Variants in ORC1 observed in about 807,000 individuals in gnomAD.
ORC1 encodes origin recognition complex subunit 1, also known as origin recognition complex, subunit 1 homolog.
A neutral mutation model predicts 98.9 loss-of-function variants in ORC1; 61 were observed. The ratio of observed to expected loss-of-function variants is 0.62; its 90% CI spans 0.50 to 0.76. The LOEUF is 0.76. Ranked by LOEUF, ORC1 falls within the 30% of genes least tolerant of loss-of-function variation. ORC1 has a pLI of 0.00. For missense variants in ORC1, 979 were observed against 1,072.2 expected (o/e 0.91, Z 1.21); for synonymous variants, 385 against 406.9 (o/e 0.95, Z 0.65).
At chr1:52,406,457 A>G (rs1469364685), upstream of ORC1, among the ~76,000 whole-genome samples, 1 of 152,240 alleles carries the variant, frequency 6.6e-6, no homozygotes, top group Non-Finnish European at 1.5e-5. Context: ...GTGAAAATCA[A>G]ACAACAAAAG....
At chr1:52,388,417 G>A in intron 8 of ORC1, 25 bp downstream of exon 8, 1 of 1,584,868 alleles carries the variant, frequency 6.3e-7, no homozygotes, top group Non-Finnish European at 8.7e-7. Flanking sequence ...TGCTTCAATG[G>A]GAAGTAAACC....
At chr1:52,398,974 A>G (rs1647562811) in intron 3 of ORC1, among the ~76,000 whole-genome samples, 2 of 152,150 alleles carry the variant, frequency 1.3e-5, no homozygotes, top group Non-Finnish European at 2.9e-5. Context: ...GGGACCTTAA[A>G]GAGTTTGTCA....
At chr1:52,377,703 CA>C (rs58266239) in intron 14 of ORC1, among the ~76,000 whole-genome samples, 10,450 of 58,946 alleles carry the variant, frequency 0.18, 415 homozygotes, top group African/African-American at 0.36. Flanking sequence ...CCCCTAGAAG[CA>C]AAAAAAAAAA....
At chr1:52,408,829 C>G, upstream of ORC1, 1 of 1,110,622 alleles carries the variant, frequency 9.0e-7, no homozygotes, top group Non-Finnish European at 1.3e-6. Flanking sequence ...CAGGTTTTCC[C>G]TTGTCCCTCA....
intron 16 of ORC1, 86 bp downstream of exon 16, chr1:52,374,724 G>T: frequency 1.1e-6 from 1 of 873,878 alleles, no homozygotes; most frequent in Non-Finnish European, 1.9e-6. Context: ...GCACAAAATA[G>T]AGTGTCACAC....
rs201265198 is a variant in ORC1, at chr1:52,393,582, G to A, written c.943C>T (p.Arg315Cys). 5.8e-5 allele frequency: 94 copies of A among 1,614,052 alleles called. No homozygotes were observed. The highest frequency in any genetic ancestry group is 3.3e-4 in the Middle Eastern group (2 of 6,084). Reference protein sequence around the residue: ...EDDKKASPEHRIILRTRIAAS... With the variant: ...EDDKKASPEHCIILRTRIAAS... ...GCAATTCGGGTTCTCAGGATTATGC[G>A]ATGTTCAGGTGAAGCCTTCTTGTCA... The change falls in exon 6 of 17, where the codon CGC becomes TGC. Residue 315 changes from arginine to cysteine, a missense_variant. Arg to Cys is a radical substitution (Grantham distance 180). Coordinates refer to ENST00000371568, the MANE Select transcript of ORC1 (RefSeq NM_004153.4).
chr1:52,383,916 T>A lies in ORC1; in HGVS notation c.1777A>T (p.Thr593Ser), dbSNP rs1488648962. 6.2e-7 allele frequency: 1 copy of A among 1,614,104 alleles called. No homozygotes were observed. Among genetic ancestry groups the A allele is most frequent in the Non-Finnish European group, 8.5e-7 (1 of 1,180,038 alleles). ...ILQKLTGQKA[T>S]ANHAAELLAK... ...AGCAGTTCTGCCGCATGGTTGGCTG[T>A]TGCTTTTTGGCCTGTTAGCTTCTGC... is the stretch of plus-strand genomic sequence containing the variant. Residue 593 changes from threonine to serine, a missense_variant, in exon 12 of 17, where the codon ACA (threonine) becomes TCA (serine). Thr to Ser is a moderately conservative substitution (Grantham distance 58). Coordinates refer to ENST00000371568, the MANE Select transcript of ORC1 (RefSeq NM_004153.4).
At chr1:52,373,693 T>C (rs1422129382) in intron 16 of ORC1, among the ~76,000 whole-genome samples, 1 of 152,212 alleles carries the variant, frequency 6.6e-6, no homozygotes, top group Non-Finnish European at 1.5e-5. Flanking sequence ...AGTTAATGGA[T>C]ATAAAATGAC....
chr1:52,391,286 G>C (rs1647207022), intron 6 of ORC1, among the ~76,000 whole-genome samples: 1 of 148,200 alleles, frequency 6.7e-6, no homozygotes, highest in Non-Finnish European at 1.5e-5. Flanking sequence ...TCCAGCCTGG[G>C]CGTCAGACAG....
intron 1 of ORC1, among the ~76,000 whole-genome samples, chr1:52,402,462 TTTC>T (rs1647758907): frequency 6.6e-6 from 1 of 152,232 alleles, no homozygotes; most frequent in South Asian, 2.1e-4. Context: ...GCCGTATCTC[TTTC>T]CATCCAGGAA....
chr1:52,384,948 G>A (rs1184550166), intron 10 of ORC1, among the ~76,000 whole-genome samples: 5 of 152,144 alleles, frequency 3.3e-5, no homozygotes, highest in African/African-American at 7.2e-5. Flanking sequence ...CCTACTCAAT[G>A]AAGGCCAGTT....
In ORC1 at chr1:52,385,166, G is replaced by A. The variant is rs746287109; in HGVS notation, c.1578C>T (p.Thr526=). The A allele has an allele frequency of 6.2e-6, 10 of 1,606,344 alleles. No individual in the cohort carries two copies. The highest frequency in any genetic ancestry group is 1.3e-5 in the African/African-American group (1 of 74,714). ...NFVESKLLDH[T]GGCMYISGVP... is the part of the protein sequence containing the mutation. ...GCCTGCCTCACATGACTCACCCTCC[G>A]GTATGGTCAAGGAGTTTGCTTTCCA... is the stretch of plus-strand genomic sequence containing the variant. The change falls in exon 10 of 17, where the codon ACC becomes ACT. Residue 526 remains threonine, a synonymous_variant. Transcript: ENST00000371568.
In ORC1 at chr1:52,373,322, G is replaced by A; in HGVS notation, c.2445C>T (p.Thr815=). ...AACACACGGCCATGGTCTCTGACAT[G>A]GTGGGGTACGGCAGTCCCTCCATTC... is the stretch of plus-strand genomic sequence containing the variant. ...LCRMEGLPYP[T]MSETMAVCSH... Residue 815 remains threonine (T), a synonymous_variant, in exon 17 of 17, where the codon ACC becomes ACT. Transcript: ENST00000371568. 1.2e-6 allele frequency: 2 copies of A among 1,614,194 alleles called. No individual in the cohort carries two copies. Among genetic ancestry groups the A allele is most frequent in the Non-Finnish European group, 1.7e-6 (2 of 1,180,026 alleles).
rs1646955361 is a variant in ORC1 at position 52,373,188 on chromosome 1, T to C, written c.2579A>G (p.Asp860Gly). ...SQDDVLYALK[D>G]E The stretch of plus-strand genomic sequence containing the variant: ...TTAACTTGTGAAGCCCCTTTACTCG[T>C]CTTTCAGCGCATACAGCACATCATC... Residue 860 changes from aspartate (D) to glycine (G), a missense_variant, in exon 17 of 17, where the codon GAC (aspartate) becomes GGC (glycine). Asp to Gly is a moderately conservative substitution (Grantham distance 94). Coordinates refer to ENST00000371568, the MANE Select transcript of ORC1 (RefSeq NM_004153.4). 2 of 1,614,112 alleles carry C rather than the reference T, an allele frequency of 1.2e-6. No homozygotes were observed. Among genetic ancestry groups the C allele is most frequent in the East Asian group, 2.2e-5 (1 of 44,880 alleles).
At chr1:52,398,420 C>T (rs148749881) in intron 3 of ORC1, among the ~76,000 whole-genome samples, 1 of 150,872 alleles carries the variant, frequency 6.6e-6, no homozygotes, top group Non-Finnish European at 1.5e-5. Flanking sequence ...TGTGCCACCA[C>T]GCCTGGCTAA....
intron 3 of ORC1, among the ~76,000 whole-genome samples, chr1:52,398,112 T>G (rs921010697): frequency 1.3e-5 from 2 of 151,978 alleles, no homozygotes; most frequent in Admixed American, 6.6e-5. Flanking sequence ...TACAGGCACC[T>G]GCCATCCTAC....
At position 52,383,530 on chromosome 1, in the gene ORC1, T is replaced by C. The variant is rs766354299; in HGVS notation, c.1903A>G (p.Asn635Asp). Reference protein sequence around the residue: ...LWTHKQDIMYNLFDWPTHKEA... With the variant: ...LWTHKQDIMYDLFDWPTHKEA... ...TTATGAGTGGGCCAGTCAAAGAGATTGTACATTATGTCTTGTTTGTGAGTC... is the reference window on the plus strand; with the variant it reads ...TTATGAGTGGGCCAGTCAAAGAGATCGTACATTATGTCTTGTTTGTGAGTC... The change falls in exon 13 of 17, where the codon AAT becomes GAT. Residue 635 changes from asparagine (N) to aspartate (D), a missense_variant. By Grantham distance (23) the Asn-to-Asp change is conservative (BLOSUM62 1). Coordinates refer to ENST00000371568, the MANE Select transcript of ORC1 (RefSeq NM_004153.4). 5.0e-6 allele frequency: 8 copies of C among 1,614,018 alleles called. No individual in the cohort carries two copies. In the South Asian group the frequency reaches 8.8e-5, roughly 18 times the overall value.
intron 14 of ORC1, among the ~76,000 whole-genome samples, chr1:52,376,565 C>T (rs904572392): frequency 2.0e-5 from 3 of 152,226 alleles, no homozygotes; most frequent in East Asian, 3.9e-4. Flanking sequence ...ACATTTTTCC[C>T]TTCCTCTAAT....
chr1:52,389,217 C>T lies in ORC1; in HGVS notation c.1187G>A (p.Arg396Gln), dbSNP rs752188468. The T allele has an allele frequency of 3.8e-5, 62 of 1,611,016 alleles. No homozygotes were observed. Among genetic ancestry groups the T allele is most frequent in the East Asian group, 3.3e-4 (15 of 44,882 alleles). Residue 396 changes from arginine to glutamine, a missense_variant and splice_region_variant, in exon 7 of 17, where the codon CGG (arginine) becomes CAG (glutamine). Coordinates refer to ENST00000371568, the MANE Select transcript of ORC1 (RefSeq NM_004153.4). ...LTMNRIRQQL[R>Q]FLGNSKSDQE... ...TCTGCCTGCCAAGGAGTAGTCTTAC[C>T]GAAGCTGCTGCCTAATCCGATTCAT...
Sources: allele counts gnomAD v4.1 joint callset (sites outside exome capture counted in the v4.1 genomes callset), GRCh38; gene constraint gnomAD v4.1.1; transcripts MANE v1.5; gene names NCBI Gene and HGNC (gene_info 2026-07-23, HGNC 2026-07-21).